The following ZBED1 variants were observed in gnomAD, a reference collection of about 807,000 sequenced individuals.
The protein encoded by ZBED1 is zinc finger BED-type containing 1.
A neutral mutation model predicts 49.7 loss-of-function variants in ZBED1; 19 were observed. The ratio of observed to expected loss-of-function variants is 0.38; its 90% CI spans 0.27 to 0.56. The LOEUF is 0.56. ZBED1 is among the 20% of genes least tolerant of loss of function. The pLI is 0.70. For synonymous variants in ZBED1, 439 were observed against 440.3 expected, an observed-to-expected ratio of 1.00 and a Z score of 0.04; for missense variants, 806 against 972.6, an observed-to-expected ratio of 0.83 and a Z score of 2.28.
intron 1 of ZBED1, among the ~76,000 whole-genome samples, chrX:2,492,794 GAC>G: frequency 6.6e-6 from 1 of 152,352 alleles, no homozygotes; most frequent in East Asian, 1.9e-4. Flanking sequence ...GCAGCCCTGA[GAC>G]ACTTTGATTA....
In ZBED1 at chrX:2,490,277, G is replaced by C. The variant is rs1300857432; in HGVS notation, c.443C>G (p.Thr148Ser). ...LYPASIVDEP[T>S]FKVLLKTADP... is the part of the protein sequence containing the mutation. Reference sequence around the variant, plus strand: ...GGCCGTCTTCAGCAGCACCTTGAAGGTGGGCTCGTCCACGATGGAGGCTGG... The same window carrying C: ...GGCCGTCTTCAGCAGCACCTTGAAGCTGGGCTCGTCCACGATGGAGGCTGG... The change falls in exon 2 of 2, where the codon ACC (threonine) becomes AGC (serine). Residue 148 changes from threonine (T) to serine (S), a missense_variant. Physicochemically the swap from Thr to Ser is moderately conservative, Grantham distance 58. Transcript: ENST00000652001. The C allele has an allele frequency of 6.2e-7, 1 of 1,613,760 alleles. No homozygotes were observed. The highest frequency in any genetic ancestry group is 1.1e-5 in the South Asian group (1 of 91,058).
intron 1 of ZBED1, among the ~76,000 whole-genome samples, chrX:2,496,886 ATATT>A (rs1316629582): frequency 3.4e-5 from 5 of 148,908 alleles, no homozygotes; most frequent in African/African-American, 7.3e-5. Flanking sequence ...AAAAATATAT[ATATT>A]TAATAAAAAT....
rs1440460618 is a variant in ZBED1 at position 2,491,072 on chromosome X, T to TG, written c.-53-301_-53-300insC. On this transcript the variant is annotated intron_variant, in intron 1 of 1. Coordinates refer to ENST00000652001, the MANE Select transcript of ZBED1 (RefSeq NM_001171136.2). ...TACCTGACAAGTGCCTTTAGTTTTT[T>TG]TTTTTTTTTTTTTTTGAGACAGAGT... Among the ~76,000 whole-genome samples, 35 of 122,260 alleles carry TG rather than the reference T, an allele frequency of 2.9e-4. 1 individual carries two copies. Among genetic ancestry groups the TG allele is most frequent in the African/African-American group, 6.4e-4 (21 of 32,790 alleles). The allele number at this position is 122,260 out of a possible 152,430, so 80.2% of individuals were successfully genotyped here. A position where few individuals can be genotyped will look rare whatever the true frequency, so the allele number is the denominator to read the frequency against.
In ZBED1 at chrX:2,492,860, C is replaced by T. The variant is rs147132074; in HGVS notation, c.-53-2088G>A. On this transcript the variant is annotated intron_variant, in intron 1 of 1. Transcript: ENST00000652001. ...GAATAAGCTATGGTTTTAAGCCCTC[C>T]GGTTTCTGGTACTTTATTAAAGCAA... is the stretch of plus-strand genomic sequence containing the variant. Among the ~76,000 whole-genome samples the T allele has an allele frequency of 5.4e-4, 82 of 152,326 alleles. 1 individual carries two copies. In the South Asian group the frequency reaches 0.015, roughly 27 times the overall value.
Position 2,489,335 on chromosome X carries a change from G to C in ZBED1, c.1385C>G (p.Thr462Arg), listed in dbSNP as rs199678782. The C allele has an allele frequency of 6.2e-7, 1 of 1,613,938 alleles. No individual in the cohort carries two copies. Among genetic ancestry groups the C allele is most frequent in the Admixed American group, 1.7e-5 (1 of 60,010 alleles). Reference sequence around the variant, plus strand: ...GTTGAGAAACATGTCGATCTCGGGCGTCTCCTGGTAGGTCTTGGAAAGCTC... The same window carrying C: ...GTTGAGAAACATGTCGATCTCGGGCCTCTCCTGGTAGGTCTTGGAAAGCTC... ...AKELSKTYQETPEIDMFLNVA... is the reference protein window; with the variant it reads ...AKELSKTYQERPEIDMFLNVA... The change falls in exon 2 of 2, where the codon ACG becomes AGG. Residue 462 changes from threonine to arginine, a missense_variant. Thr to Arg is a moderately conservative substitution (Grantham distance 71). Around this residue, in one of 2 missense-constraint regions of ZBED1, gnomAD observed 749 missense variants for 861.3 expected, o/e 0.87. Coordinates refer to ENST00000652001, the MANE Select transcript of ZBED1 (RefSeq NM_001171136.2).
rs146188728 is a variant in ZBED1, at chrX:2,489,936, C to A, written c.784G>T (p.Ala262Ser). The change falls in exon 2 of 2, where the codon GCC becomes TCC. Residue 262 changes from alanine to serine, a missense_variant. Ala to Ser is a moderately conservative substitution (Grantham distance 99, BLOSUM62 1). Transcript: ENST00000652001. Reference protein sequence around the residue: ...YEVFIEWGISAKVFGATTNYG... With the variant: ...YEVFIEWGISSKVFGATTNYG... ...TTGGTGGTGGCCCCGAAGACCTTGG[C>A]GCTGATGCCCCACTCGATGAAGACC... 4 of 1,613,786 alleles carry A rather than the reference C, an allele frequency of 2.5e-6. No individual in the cohort carries two copies. Among genetic ancestry groups the A allele is most frequent in the Non-Finnish European group, 3.4e-6 (4 of 1,179,884 alleles).
intron 1 of ZBED1, among the ~76,000 whole-genome samples, chrX:2,498,940 T>C (rs1569351544): frequency 6.6e-6 from 1 of 152,170 alleles, no homozygotes; most frequent in Non-Finnish European, 1.5e-5. Flanking sequence ...CCTTCTTCTA[T>C]GCATTTGTAA....
chrX:2,488,445 G>A lies in ZBED1; in HGVS notation c.*190C>T. ...CCACCTCGGCCTCCCAAAGTGCTGC[G>A]ATTATAGACAGGAGCCACCGCCCCC... On this transcript the variant is annotated 3_prime_UTR_variant, in exon 2 of 2. Transcript: ENST00000652001. 4.2e-6 allele frequency: 3 copies of A among 712,702 alleles called. No homozygotes were observed. Among genetic ancestry groups the A allele is most frequent in the Non-Finnish European group, 6.5e-6 (3 of 460,972 alleles). The allele number at this position is 712,702 out of a possible 1,614,324, so 44.1% of individuals were successfully genotyped here.
At chrX:2,499,870 C>T (rs972927974) in intron 1 of ZBED1, among the ~76,000 whole-genome samples, 9 of 152,114 alleles carry the variant, frequency 5.9e-5, no homozygotes, top group Non-Finnish European at 1.2e-4. Flanking sequence ...CATAGCAAGA[C>T]CCCGTCTACA....
At position 2,488,871 on chromosome X, in the gene ZBED1, C is replaced by T. The variant is rs376848620; in HGVS notation, c.1849G>A (p.Ala617Thr). 18 of 1,612,638 alleles carry T rather than the reference C, an allele frequency of 1.1e-5. No homozygotes were observed. The highest frequency in any genetic ancestry group is 1.3e-5 in the African/African-American group (1 of 74,920). ...KYWCVTATRV[A>T]PERLFGSAAN... ...GCGGATCCGAAGAGACGCTCAGGGGCGACGCGCGTGGCCGTCACGCACCAG... is the reference window on the plus strand; with the variant it reads ...GCGGATCCGAAGAGACGCTCAGGGGTGACGCGCGTGGCCGTCACGCACCAG... Residue 617 changes from alanine (A) to threonine (T), a missense_variant, in exon 2 of 2, where the codon GCC becomes ACC. Ala to Thr is a moderately conservative substitution (Grantham distance 58). This residue lies in a region of ZBED1 where 749 missense variants were observed against 861.3 expected (regional missense o/e 0.87). Coordinates refer to ENST00000652001, the MANE Select transcript of ZBED1 (RefSeq NM_001171136.2).
At chrX:2,496,188 TTTTG>T (rs1378191919) in intron 1 of ZBED1, among the ~76,000 whole-genome samples, 10 of 152,070 alleles carry the variant, frequency 6.6e-5, no homozygotes, top group Non-Finnish European at 1.2e-4. Flanking sequence ...TTATTTTTGT[TTTTG>T]TTTTTTTGTT....
Position 2,490,615 on chromosome X carries a change from G to A in ZBED1, c.105C>T (p.Ala35=), listed in dbSNP as rs754614717. 28 of 1,613,950 alleles carry A rather than the reference G, an allele frequency of 1.7e-5. No homozygotes were observed. The highest frequency in any genetic ancestry group is 1.7e-4 in the Middle Eastern group (1 of 6,056). Residue 35 remains alanine, a synonymous_variant, in exon 2 of 2, where the codon GCC becomes GCT. Transcript: ENST00000652001. ...TCTTCCACTGCAGGATGCATCCCTC[G>A]GCGTTGGTGTCGAAGCCGAAATACT... ...VWKYFGFDTN[A]EGCILQWKKI...
rs1336432616 is a variant in ZBED1, at chrX:2,489,370, G to C, written c.1350C>G (p.Val450=). The change falls in exon 2 of 2, where the codon GTC becomes GTG. Residue 450 remains valine, a synonymous_variant. Transcript: ENST00000652001. ...DSKELSMAKE[V]IAKELSKTYQ... is the part of the protein sequence containing the mutation. ...AGGTCTTGGAAAGCTCCTTGGCGAT[G>C]ACCTCCTTGGCCATGCTGAGCTCCT... 6.2e-7 allele frequency: 1 copy of C among 1,613,846 alleles called. No individual in the cohort carries two copies. The highest frequency in any genetic ancestry group is 1.3e-5 in the African/African-American group (1 of 74,918).
chrX:2,493,454 TTTA>T (rs941474243), intron 1 of ZBED1, among the ~76,000 whole-genome samples: 8 of 151,446 alleles, frequency 5.3e-5, no homozygotes, highest in Non-Finnish European at 7.4e-5. Flanking sequence ...TTAAATTCTA[TTTA>T]TTATTATTAT....
chrX:2,489,725 A>G lies in ZBED1; in HGVS notation c.995T>C (p.Leu332Pro), dbSNP rs1251488241. 1 of 1,613,078 alleles carries G rather than the reference A, an allele frequency of 6.2e-7. No individual in the cohort carries two copies. The highest frequency in any genetic ancestry group is 8.5e-7 in the Non-Finnish European group (1 of 1,179,842). Reference protein sequence around the residue: ...FQQSAVAMYMLYEKQKQQNVA... With the variant: ...FQQSAVAMYMPYEKQKQQNVA... ...GTTCTGCTGCTTCTGCTTCTCATAG[A>G]GCATGTACATGGCCACGGCAGACTG... Residue 332 changes from leucine to proline, a missense_variant, in exon 2 of 2, where the codon CTC (leucine) becomes CCC (proline). Physicochemically the swap from Leu to Pro is moderately conservative, Grantham distance 98 (BLOSUM62 -3). Coordinates refer to ENST00000652001, the MANE Select transcript of ZBED1 (RefSeq NM_001171136.2).
chrX:2,490,377 C>T lies in ZBED1; in HGVS notation c.343G>A (p.Gly115Ser), dbSNP rs776764247. 35 of 1,613,648 alleles carry T rather than the reference C, an allele frequency of 2.2e-5. No individual in the cohort carries two copies. The highest frequency in any genetic ancestry group is 2.8e-5 in the Non-Finnish European group (33 of 1,179,838). The change falls in exon 2 of 2, where the codon GGC becomes AGC. Residue 115 changes from glycine (G) to serine (S), a missense_variant. Around this residue, in one of 2 missense-constraint regions of ZBED1, gnomAD observed 749 missense variants for 861.3 expected, o/e 0.87. Coordinates refer to ENST00000652001, the MANE Select transcript of ZBED1 (RefSeq NM_001171136.2). ...TGCTTCTTGCTGTCGTAGCCGTGGCCGGCCTTGACGGCCAGCGCGTCCTGC... is the reference window on the plus strand; with the variant it reads ...TGCTTCTTGCTGTCGTAGCCGTGGCTGGCCTTGACGGCCAGCGCGTCCTGC... ...PGQDALAVKA[G>S]HGYDSKKQQE...
At chrX:2,496,535 A>G (rs932277005) in intron 1 of ZBED1, among the ~76,000 whole-genome samples, 2 of 152,176 alleles carry the variant, frequency 1.3e-5, no homozygotes, top group Admixed American at 1.3e-4. Flanking sequence ...CGTGCAGTGT[A>G]TACTGCTTGG....
chrX:2,500,555 C>CGGGGA (rs2045395015), intron 1 of ZBED1: 1 of 170,300 alleles, frequency 5.9e-6, no homozygotes, highest in African/African-American at 2.4e-5. Context: ...GCCACACGCG[C>CGGGGA]GGGGAGGGAA....
intron 1 of ZBED1, among the ~76,000 whole-genome samples, chrX:2,496,399 G>C (rs1367461946): frequency 1.3e-5 from 2 of 151,918 alleles, no homozygotes; most frequent in East Asian, 1.9e-4. Context: ...GGGTTCCACT[G>C]TATTGCCCAG....
Sources: gnomAD v4.1 joint callset for allele counts (sites outside exome capture counted in the v4.1 genomes callset) on GRCh38, gnomAD v4.1.1 for gene constraint, gnomAD v4.1.1 regional missense constraint, MANE v1.5 for transcripts, NCBI Gene and HGNC (gene_info 2026-07-23, HGNC 2026-07-21) for gene names.